The following AASS variants were observed in gnomAD, a reference collection of about 807,000 sequenced individuals.
The protein encoded by AASS is aminoadipate-semialdehyde synthase, also known as alpha-aminoadipic semialdehyde synthase, mitochondrial.
In AASS, 86 loss-of-function variants were observed where a neutral mutation model predicts 105.4. The observed-to-expected ratio is 0.82, with a 90% CI of 0.69 to 0.98. The LOEUF (loss-of-function observed/expected upper bound fraction) is 0.98. Among genes scored for constraint, AASS ranks in the 50% least tolerant of loss-of-function variants. AASS has a pLI of 0.00. For synonymous variants in AASS, 381 were observed against 394.8 expected (o/e 0.96, Z 0.41); for missense variants, 1,048 against 1,143.2 (o/e 0.92, Z 1.20).
chr7:122,092,738 CTT>C, intron 17 of AASS, 103 bp downstream of exon 17: 1 of 981,332 alleles, frequency 1.0e-6, no homozygotes, highest in South Asian at 1.4e-5. Context: ...AAAAAAAAAT[CTT>C]TAACTTTGAT....
At chr7:122,125,698 G>GAAGAGGAA (rs1795626131) in intron 4 of AASS, among the ~76,000 whole-genome samples, 1 of 152,230 alleles carries the variant, frequency 6.6e-6, no homozygotes, top group Non-Finnish European at 1.5e-5. Flanking sequence ...AGAGGAACAG[G>GAAGAGGAA]CTATGACTTA....
At chr7:122,097,178 C>CT (rs879344322) in intron 15 of AASS, among the ~76,000 whole-genome samples, 157 of 142,838 alleles carry the variant, frequency 1.1e-3, no homozygotes, top group Middle Eastern at 3.6e-3. Flanking sequence ...TCCAAGCCTG[C>CT]TTTTTTTTTT....
chr7:122,141,522 T>G (rs1054489853), intron 1 of AASS, among the ~76,000 whole-genome samples: 1 of 152,122 alleles, frequency 6.6e-6, no homozygotes, highest in African/African-American at 2.4e-5. Context: ...AAACAGCAAG[T>G]GTTTTAAGAA....
chr7:122,079,803 C>A, intron 20 of AASS, 91 bp from the exon 21 acceptor site: 3 of 802,452 alleles, frequency 3.7e-6, no homozygotes, highest in Non-Finnish European at 6.4e-6. Context: ...CACTGAACTT[C>A]AAATACACCT....
At chr7:122,120,956 G>C (rs1795413037) in intron 4 of AASS, among the ~76,000 whole-genome samples, 1 of 151,970 alleles carries the variant, frequency 6.6e-6, no homozygotes, top group Non-Finnish European at 1.5e-5. Flanking sequence ...ATTGTTTTGT[G>C]ACTCATTCTA....
At position 122,075,666 on chromosome 7, in the gene AASS, T is replaced by TGA. The variant is rs1224823389; in HGVS notation, c.*822_*823insTC. The TGA allele has an allele frequency of 6.6e-6, 1 of 152,220 alleles. No homozygotes were observed. Among genetic ancestry groups the TGA allele is most frequent in the African/African-American group, 2.4e-5 (1 of 41,460 alleles). The allele number at this position is 152,220 out of a possible 1,614,324, so 9.4% of individuals were successfully genotyped here. On this transcript the variant is annotated 3_prime_UTR_variant, in exon 24 of 24. Coordinates refer to ENST00000417368, the MANE Select transcript of AASS (RefSeq NM_005763.4). ...TTTATTGTGAAAGGGTGTTGAATTT[T>TGA]GTTAAATACTTTTCCTGTGCCTAAT... is the stretch of plus-strand genomic sequence containing the variant.
At chr7:122,079,770 A>C (rs1793224461) in intron 20 of AASS, 58 bp from the exon 21 acceptor site, 2 of 1,111,538 alleles carry the variant, frequency 1.8e-6, no homozygotes, top group Non-Finnish European at 2.7e-6. Flanking sequence ...TTTTTAATTG[A>C]CTGAAAAATT....
intron 1 of AASS, among the ~76,000 whole-genome samples, chr7:122,142,321 ACTC>A (rs1796439753): frequency 6.6e-6 from 1 of 152,048 alleles, no homozygotes; most frequent in Non-Finnish European, 1.5e-5. Flanking sequence ...AGGCTTGCCT[ACTC>A]CTCAAAAGCG....
chr7:122,103,917 T>C (rs1405546071), intron 11 of AASS, among the ~76,000 whole-genome samples: 1 of 152,074 alleles, frequency 6.6e-6, no homozygotes, highest in Admixed American at 6.6e-5. Context: ...AGACATTTTA[T>C]GTAAGCCTTG....
rs769756628 is a variant in AASS, at chr7:122,133,561, T to C, written c.166A>G (p.Lys56Glu). The C allele has an allele frequency of 6.2e-7, 1 of 1,614,222 alleles. No homozygotes were observed. The highest frequency in any genetic ancestry group is 1.1e-5 in the South Asian group (1 of 91,076). ...HIKGITNLGY[K>E]VLIQPSNRRA... ...CGATTCGAAGGCTGTATCAAGACCT[T>C]GTATCCCAGATTGGTGATGCCTTTG... is the stretch of plus-strand genomic sequence containing the variant. Residue 56 changes from lysine to glutamate, a missense_variant, in exon 2 of 24, where the codon AAG becomes GAG. Coordinates refer to ENST00000417368, the MANE Select transcript of AASS (RefSeq NM_005763.4).
chr7:122,092,810 T>C (rs757860300), intron 17 of AASS, 33 bp downstream of exon 17: 1 of 1,514,756 alleles, frequency 6.6e-7, no homozygotes, highest in South Asian at 1.1e-5. Context: ...TTTAGACATT[T>C]TAATGTTGCC....
intron 11 of AASS, among the ~76,000 whole-genome samples, chr7:122,111,263 C>T (rs1279614421): frequency 2.6e-5 from 4 of 151,878 alleles, no homozygotes; most frequent in African/African-American, 9.7e-5. Flanking sequence ...AGAGAAAATA[C>T]CAAAACAAAA....
At position 122,076,515 on chromosome 7, in the gene AASS, T is replaced by A. The variant is rs529263099; in HGVS notation, c.2755A>T (p.Thr919Ser). Residue 919 changes from threonine (T) to serine (S), a missense_variant, in exon 24 of 24, where the codon ACT becomes TCT. Thr to Ser is a moderately conservative substitution (Grantham distance 58). Coordinates refer to ENST00000417368, the MANE Select transcript of AASS (RefSeq NM_005763.4). ...ERIKAEGIIY[T>S]TQSTIKP ...TATGGTTTAATTGTACTCTGTGTAG[T>A]ATATATAATGCCTTCTGCTTTAATT... 6.8e-6 allele frequency: 11 copies of A among 1,613,214 alleles called. No individual in the cohort carries two copies. In the African/African-American group the frequency reaches 1.3e-4, roughly 20 times the overall value.
At chr7:122,082,946 G>A in intron 19 of AASS, 1 of 1,086,590 alleles carries the variant, frequency 9.2e-7, no homozygotes, top group East Asian at 5.9e-5. Context: ...ATGAAGTGAA[G>A]AAAGACCATA....
chr7:122,077,876 C>T lies in AASS; in HGVS notation c.2624G>A (p.Gly875Glu). The T allele has an allele frequency of 6.2e-7, 1 of 1,614,158 alleles. No homozygotes were observed. The highest frequency in any genetic ancestry group is 8.5e-7 in the Non-Finnish European group (1 of 1,180,018). The change falls in exon 23 of 24, where the codon GGG becomes GAG. Residue 875 changes from glycine to glutamate, a missense_variant. Transcript: ENST00000417368. ...TTTGGCTGCCATGGCGGTGGGTAAC[C>T]CCACGGTTTTAGCCATGGCTGAAAA... ...NGFSAMAKTV[G>E]LPTAMAAKML...
chr7:122,125,502 C>A (rs1296307909), intron 4 of AASS, among the ~76,000 whole-genome samples: 1 of 152,168 alleles, frequency 6.6e-6, no homozygotes, highest in Non-Finnish European at 1.5e-5. Flanking sequence ...TCATTTATAA[C>A]CTGACACGTC....
chr7:122,116,540 A>G, intron 8 of AASS, 93 bp downstream of exon 8: 1 of 1,521,212 alleles, frequency 6.6e-7, no homozygotes, highest in South Asian at 1.1e-5. Context: ...GAAAACTGAA[A>G]GCCATTGTAC....
At chr7:122,085,584 G>A (rs778253932) in intron 19 of AASS, among the ~76,000 whole-genome samples, 1 of 151,944 alleles carries the variant, frequency 6.6e-6, no homozygotes, top group Non-Finnish European at 1.5e-5. Flanking sequence ...TGACCTTAGG[G>A]AGCTAATGAG....
At chr7:122,093,252 G>A (rs1793993377) in intron 15 of AASS, 94 bp from the exon 16 acceptor site, 2 of 918,386 alleles carry the variant, frequency 2.2e-6, no homozygotes, top group South Asian at 1.4e-5. Context: ...TTAAGGTACT[G>A]TTCTGATTAA....
Sources: allele counts gnomAD v4.1 joint callset (sites outside exome capture counted in the v4.1 genomes callset), GRCh38; gene constraint gnomAD v4.1.1; transcripts MANE v1.5; gene names NCBI Gene and HGNC (gene_info 2026-07-23, HGNC 2026-07-21).